The following LCOR variants were observed in gnomAD, a reference collection of about 807,000 sequenced individuals.
LCOR encodes the protein ligand-dependent corepressor.
Under a neutral mutation model 64.4 loss-of-function variants are expected in LCOR, and 14 were observed. That is an observed-to-expected ratio of 0.22 (90% CI 0.14 to 0.34). The LOEUF (loss-of-function observed/expected upper bound fraction) is 0.34, where lower values mean the gene tolerates loss of function less well. Among genes scored for constraint, LCOR ranks in the 10% least tolerant of loss-of-function variants. The pLI is 1.00. For synonymous variants in LCOR, 643 were observed against 642.5 expected (o/e 1.00, Z -0.01); for missense variants, 1,686 against 1,765.3 (o/e 0.96, Z 0.80).
intron 7 of LCOR, among the ~76,000 whole-genome samples, chr10:96,966,570 C>G (rs191673227): frequency 3.3e-4 from 50 of 152,130 alleles, no homozygotes; most frequent in African/African-American, 1.2e-3. Flanking sequence ...AGCATATGCT[C>G]GGGACATGTG....
intron 7 of LCOR, chr10:96,956,844 T>C: frequency 2.0e-6 from 2 of 985,608 alleles, no homozygotes; most frequent in Non-Finnish European, 2.4e-6. Context: ...ACAGAATTGA[T>C]GTGCTAACTG....
At chr10:96,864,442 A>C (rs1196475983) in intron 2 of LCOR, among the ~76,000 whole-genome samples, 1 of 152,162 alleles carries the variant, frequency 6.6e-6, no homozygotes, top group East Asian at 1.9e-4. Flanking sequence ...ACTGAGCCAA[A>C]TGTTCTGTGA....
intron 4 of LCOR, among the ~76,000 whole-genome samples, chr10:96,927,849 G>A (rs892077230): frequency 7.2e-5 from 11 of 152,158 alleles, no homozygotes; most frequent in Admixed American, 2.6e-4. Context: ...ATAATAAAGC[G>A]AATGTCACAA....
intron 2 of LCOR, among the ~76,000 whole-genome samples, chr10:96,852,012 A>G (rs1845728806): frequency 1.3e-5 from 2 of 152,254 alleles, no homozygotes; most frequent in Admixed American, 6.5e-5. Flanking sequence ...ATGCCACACA[A>G]TCATACATTG....
In LCOR at chr10:96,993,224, G is replaced by T. The variant is rs1472972508; in HGVS notation, c.*8090G>T. The T allele has an allele frequency of 6.6e-6, 1 of 152,212 alleles. No individual in the cohort carries two copies. 9.4% of individuals were successfully genotyped at this position (152,212 alleles called of 1,614,324 possible). A position where few individuals can be genotyped will look rare whatever the true frequency, so the allele number is the denominator to read the frequency against. ...AGGACAGCAGGGAGCTTTGGGACTA[G>T]GCACGCAGGGGTTTTGTCATCCATT... On this transcript the variant is annotated 3_prime_UTR_variant, in exon 8 of 8. Coordinates refer to ENST00000421806, the MANE Select transcript of LCOR (RefSeq NM_001346516.2).
chr10:96,934,949 C>T (rs1847322589), intron 4 of LCOR, among the ~76,000 whole-genome samples: 1 of 151,990 alleles, frequency 6.6e-6, no homozygotes, highest in Non-Finnish European at 1.5e-5. Flanking sequence ...ACAACTTGTT[C>T]TTTAATAATA....
At chr10:96,902,963 A>G (rs986589068) in intron 2 of LCOR, among the ~76,000 whole-genome samples, 1 of 152,244 alleles carries the variant, frequency 6.6e-6, no homozygotes, top group Admixed American at 6.5e-5. Context: ...TATTTGGTAT[A>G]GCCTGTTGCT....
chr10:96,832,917 C>CGCGGCGGGCTGCAGGCGG (rs1483912935), intron 1 of LCOR: 11 of 899,622 alleles, frequency 1.2e-5, no homozygotes, highest in East Asian at 1.2e-4. Context: ...TGCGTGCACG[C>CGCGGCGGGCTGCAGGCGG]GCGGCGGGCT....
intron 2 of LCOR, among the ~76,000 whole-genome samples, chr10:96,859,958 A>G (rs58550844): frequency 0.13 from 19,126 of 152,140 alleles, 1,964 homozygotes; most frequent in African/African-American, 0.28. Context: ...CAGTATGGCC[A>G]GTGGAGTGTG....
At chr10:96,930,816 C>T (rs1439084627) in intron 4 of LCOR, among the ~76,000 whole-genome samples, 1 of 152,188 alleles carries the variant, frequency 6.6e-6, no homozygotes, top group African/African-American at 2.4e-5. Flanking sequence ...ACTTGCCCTT[C>T]TCTGCCTTCT....
intron 2 of LCOR, among the ~76,000 whole-genome samples, chr10:96,841,724 A>G (rs1222573371): frequency 2.6e-5 from 4 of 151,858 alleles, no homozygotes; most frequent in Admixed American, 2.0e-4. Flanking sequence ...GATAATTGCT[A>G]TTATTGGAAA....
At chr10:96,974,260 A>C (rs1030052037) in intron 7 of LCOR, among the ~76,000 whole-genome samples, 1 of 152,260 alleles carries the variant, frequency 6.6e-6, no homozygotes, top group Non-Finnish European at 1.5e-5. Context: ...GATAAACTGA[A>C]AACTAATTTA....
intron 7 of LCOR, chr10:96,957,820 GT>G (rs1847809954): frequency 1.0e-6 from 1 of 985,468 alleles, no homozygotes; most frequent in South Asian, 4.7e-5. Context: ...GGTTCCTCTT[GT>G]TTTGGTTATT....
At position 96,990,417 on chromosome 10, in the gene LCOR, G is replaced by T. The variant is rs1341770329; in HGVS notation, c.*5283G>T. The T allele has an allele frequency of 6.6e-6, 1 of 151,454 alleles. No homozygotes were observed. Among genetic ancestry groups the T allele is most frequent in the Non-Finnish European group, 1.5e-5 (1 of 67,960 alleles). The allele number at this position is 151,454 out of a possible 1,614,324, so 9.4% of individuals were successfully genotyped here. A position where few individuals can be genotyped will look rare whatever the true frequency, so the allele number is the denominator to read the frequency against. On this transcript the variant is annotated 3_prime_UTR_variant, in exon 8 of 8. Coordinates refer to ENST00000421806, the MANE Select transcript of LCOR (RefSeq NM_001346516.2). ...TTTTTTTTTTTTTCCAGTTTTAGCA[G>T]AAATGAGGTCTCACTGTGTTGCCCA...
intron 2 of LCOR, among the ~76,000 whole-genome samples, chr10:96,864,194 C>T (rs1050097777): frequency 2.0e-4 from 30 of 152,000 alleles, no homozygotes; most frequent in Admixed American, 2.0e-3. Flanking sequence ...TAAGAAGGGA[C>T]CAATAGGTAG....
rs372944260 is a variant in LCOR, at chr10:96,985,142, G to C, written c.*8G>C. 2 of 1,582,898 alleles carry C rather than the reference G, an allele frequency of 1.3e-6. No homozygotes were observed. The highest frequency in any genetic ancestry group is 1.7e-6 in the Non-Finnish European group (2 of 1,168,716). The stretch of plus-strand genomic sequence containing the variant: ...CGGCTGGATGCAAAGTGATTGGAAA[G>C]ATGGTAGCCAAGAGTAAAACTGTTC... On this transcript the variant is annotated 3_prime_UTR_variant, in exon 8 of 8. Transcript: ENST00000421806.
At chr10:96,973,715 C>G (rs1307170069) in intron 7 of LCOR, among the ~76,000 whole-genome samples, 1 of 152,184 alleles carries the variant, frequency 6.6e-6, no homozygotes, top group East Asian at 1.9e-4. Context: ...TTTCCTGGGA[C>G]TCCCTGTTTC....
rs36087579 is a variant in LCOR at position 96,986,700 on chromosome 10, C to T, written c.*1566C>T. 6 of 152,118 alleles carry T rather than the reference C, an allele frequency of 3.9e-5. No individual in the cohort carries two copies. In the South Asian group the frequency reaches 8.3e-4, roughly 21 times the overall value. 9.4% of individuals were successfully genotyped at this position (152,118 alleles called of 1,614,324 possible). ...CGTGTACTTGACTTTTCCATTGGGCCGCTCTACAAAAAAAGGCTTGGTTGT... is the reference window on the plus strand; with the variant it reads ...CGTGTACTTGACTTTTCCATTGGGCTGCTCTACAAAAAAAGGCTTGGTTGT... On this transcript the variant is annotated 3_prime_UTR_variant, in exon 8 of 8. Transcript: ENST00000421806.
chr10:96,876,625 G>A (rs1040126880), intron 2 of LCOR, among the ~76,000 whole-genome samples: 1 of 152,154 alleles, frequency 6.6e-6, no homozygotes, highest in African/African-American at 2.4e-5. Context: ...AAAGATTAAT[G>A]ACTCATTAGA....
Sources: allele counts gnomAD v4.1 joint callset (sites outside exome capture counted in the v4.1 genomes callset), GRCh38; gene constraint gnomAD v4.1.1; transcripts MANE v1.5; gene names NCBI Gene and HGNC (gene_info 2026-07-23, HGNC 2026-07-21).